The following SIGLEC14 variants were observed in gnomAD, a reference collection of about 807,000 sequenced individuals.
The protein encoded by SIGLEC14 is sialic acid-binding Ig-like lectin 14.
SIGLEC14 carries 11 observed loss-of-function variants against 34.2 expected under a neutral mutation model. The observed-to-expected ratio is 0.32, with a 90% CI of 0.20 to 0.53. The LOEUF (loss-of-function observed/expected upper bound fraction) is 0.53, where lower values mean the gene tolerates loss of function less well. Among genes scored for constraint, SIGLEC14 ranks in the 20% least tolerant of loss-of-function variants. SIGLEC14 has a pLI of 0.95. For synonymous variants in SIGLEC14, 99 were observed against 179.7 expected (o/e 0.55, Z 3.59); for missense variants, 264 against 439.0 (o/e 0.60, Z 3.56).
In SIGLEC14 at chr19:51,640,258, A is replaced by G. The variant is rs918016164; in HGVS notation, c.*3097T>C. On this transcript the variant is annotated 3_prime_UTR_variant, in exon 7 of 7. Transcript: ENST00000360844. ...AAAACTACTTGGGAAATGGGATAAA[A>G]GAAAATAGATTCTGGAACGGGAGTC... 2.9e-5 allele frequency among the ~76,000 whole-genome samples: 4 copies of G among 139,620 alleles called. 1 individual carries two copies. Among genetic ancestry groups the G allele is most frequent in the African/African-American group, 1.1e-4 (4 of 36,810 alleles). 91.6% of individuals were successfully genotyped at this position (139,620 alleles called of 152,430 possible).
Position 51,643,946 on chromosome 19 carries a change from G to T in SIGLEC14, c.845C>A (p.Ala282Asp), listed in dbSNP as rs1245747741. 8 of 1,534,022 alleles carry T rather than the reference G, an allele frequency of 5.2e-6. 2 individuals are homozygous for T. Among genetic ancestry groups the T allele is most frequent in the Non-Finnish European group, 2.6e-6 (3 of 1,141,744 alleles). Residue 282 changes from alanine to aspartate, a missense_variant, in exon 5 of 7, where the codon GCC becomes GAC. Ala to Asp is a moderately radical substitution (Grantham distance 126). Around this residue, in one of 5 missense-constraint regions of SIGLEC14, gnomAD observed 149 missense variants for 184.4 expected, o/e 0.81. Coordinates refer to ENST00000360844, the MANE Select transcript of SIGLEC14 (RefSeq NM_001098612.3). ...TCCCTCCCGGAACCAGCTCAGTGAG[G>T]CAGGGGGGTTGCTGTCAACTGTGCA... ...LACTVDSNPP[A>D]SLSWFREGKA...
At chr19:51,643,483 G>GGGGGGGGGGGGGCCCCCCCCCCC in intron 6 of SIGLEC14, 54 bp downstream of exon 6, 13 of 1,297,792 alleles carry the variant, frequency 1.0e-5, no homozygotes, top group East Asian at 5.4e-5. Flanking sequence ...GGGCAGGACA[G>GGGGGGGGGGGGGCCCCCCCCCCC]CTCAGCCCCA....
In SIGLEC14 at chr19:51,643,583, C is replaced by T; in HGVS notation, c.1102G>A (p.Ala368Thr). Residue 368 changes from alanine (A) to threonine (T), a missense_variant, in exon 6 of 7, where the codon GCT becomes ACT. Around this residue, in one of 5 missense-constraint regions of SIGLEC14, gnomAD observed 149 missense variants for 184.4 expected, o/e 0.81. Transcript: ENST00000360844. Reference protein sequence around the residue: ...LTLIRGALMGAGFLLTYGLTW... With the variant: ...LTLIRGALMGTGFLLTYGLTW... The stretch of plus-strand genomic sequence containing the variant: ...AGGCCATAGGTGAGGAGGAAGCCAG[C>T]CCCCATGAGAGCCCCCCTGATCAGG... 2.0e-6 allele frequency: 3 copies of T among 1,529,342 alleles called. 1 individual carries two copies. The highest frequency in any genetic ancestry group is 2.6e-6 in the Non-Finnish European group (3 of 1,140,208). The allele number at this position is 1,529,342 out of a possible 1,614,324, so 94.7% of individuals were successfully genotyped here. A position where few individuals can be genotyped will look rare whatever the true frequency, so the allele number is the denominator to read the frequency against.
In SIGLEC14 at chr19:51,645,580, G is replaced by A; in HGVS notation, c.701-50C>T. 2.0e-6 allele frequency: 3 copies of A among 1,505,696 alleles called. 1 individual carries two copies. Among genetic ancestry groups the A allele is most frequent in the Non-Finnish European group, 2.7e-6 (3 of 1,117,086 alleles). The allele number at this position is 1,505,696 out of a possible 1,614,324, so 93.3% of individuals were successfully genotyped here. The stretch of plus-strand genomic sequence containing the variant: ...GCTTCAGAGGTGACAAGAGGGATGG[G>A]CGTGGTCCCGGGAGGGACCCAAGGA... On this transcript the variant is annotated intron_variant, in intron 3 of 6. Transcript: ENST00000360844.
In SIGLEC14 at chr19:51,643,336, T is replaced by C; in HGVS notation, c.*19A>G. 6.6e-7 allele frequency: 1 copy of C among 1,523,482 alleles called. No individual in the cohort carries two copies. The highest frequency in any genetic ancestry group is 8.8e-7 in the Non-Finnish European group (1 of 1,136,988). The allele number at this position is 1,523,482 out of a possible 1,614,324, so 94.4% of individuals were successfully genotyped here. ...GGGCTAAGTGTCCACACCTCAGTTC[T>C]GTCTTGAGCGGGAGGGGCTCAGCCA... On this transcript the variant is annotated 3_prime_UTR_variant, in exon 7 of 7. Coordinates refer to ENST00000360844, the MANE Select transcript of SIGLEC14 (RefSeq NM_001098612.3).
rs1002223027 is a variant in SIGLEC14, at chr19:51,642,220, G to A, written c.*1135C>T. Among the ~76,000 whole-genome samples the A allele has an allele frequency of 5.0e-5, 7 of 138,662 alleles. No homozygotes were observed. The highest frequency in any genetic ancestry group is 1.1e-4 in the African/African-American group (4 of 36,508). The allele number at this position is 138,662 out of a possible 152,430, so 91.0% of individuals were successfully genotyped here. The stretch of plus-strand genomic sequence containing the variant: ...AGTGGATACAGAAGGCTGACTGTAC[G>A]ATATTAAAAGCAAAAAAAACCCCAC... On this transcript the variant is annotated 3_prime_UTR_variant, in exon 7 of 7. Transcript: ENST00000360844.
Position 51,641,943 on chromosome 19 carries a change from T to A in SIGLEC14, c.*1412A>T, listed in dbSNP as rs199896595. ...ACTTGTGCCCCCTGAACTTAAAAGT[T>A]AAAAAAAATCATATCAAGCATGTGT... On this transcript the variant is annotated 3_prime_UTR_variant, in exon 7 of 7. Coordinates refer to ENST00000360844, the MANE Select transcript of SIGLEC14 (RefSeq NM_001098612.3). Among the ~76,000 whole-genome samples the A allele has an allele frequency of 5.4e-3, 733 of 136,646 alleles. 125 individuals carry two copies. The highest frequency in any genetic ancestry group is 0.02 in the African/African-American group (697 of 35,482). 89.6% of individuals were successfully genotyped at this position (136,646 alleles called of 152,430 possible).
Position 51,640,602 on chromosome 19 carries a change from TG to T in SIGLEC14, c.*2752del, listed in dbSNP as rs1197018745. On this transcript the variant is annotated 3_prime_UTR_variant, in exon 7 of 7. Transcript: ENST00000360844. ...AATACTAGTCAAAAGAAAACTGGAA[TG>T]GCTATGTTAATAGCAGACAAAGTAC... Among the ~76,000 whole-genome samples the T allele has an allele frequency of 2.1e-5, 3 of 139,698 alleles. 1 individual carries two copies. The highest frequency in any genetic ancestry group is 4.6e-5 in the Non-Finnish European group (3 of 65,136). The allele number at this position is 139,698 out of a possible 152,430, so 91.6% of individuals were successfully genotyped here. A position where few individuals can be genotyped will look rare whatever the true frequency, so the allele number is the denominator to read the frequency against.
Position 51,644,011 on chromosome 19 carries a change from C to T in SIGLEC14, c.780G>A (p.Met260Ile), listed in dbSNP as rs1289365205. The T allele has an allele frequency of 2.6e-6, 4 of 1,522,974 alleles. 1 individual carries two copies. The African/African-American group carries it at 4.4e-5, about 17-fold the overall frequency. 94.3% of individuals were successfully genotyped at this position (1,522,974 alleles called of 1,614,324 possible). Residue 260 changes from methionine (M) to isoleucine (I), a missense_variant, in exon 5 of 7, where the codon ATG becomes ATA. Physicochemically the swap from Met to Ile is conservative, Grantham distance 10. Transcript: ENST00000360844. ...ACTGGCCCTCCTGGATGGGCACCGA[C>T]ATGCCATTGCTCAGGATCCGCAGGG... ...GTALRILSNG[M>I]SVPIQEGQSL...
Position 51,642,140 on chromosome 19 carries a change from A to G in SIGLEC14, c.*1215T>C, listed in dbSNP as rs993788087. Among the ~76,000 whole-genome samples, 2 of 139,264 alleles carry G rather than the reference A, an allele frequency of 1.4e-5. No homozygotes were observed. Among genetic ancestry groups the G allele is most frequent in the Admixed American group, 6.9e-5 (1 of 14,436 alleles). The allele number at this position is 139,264 out of a possible 152,430, so 91.4% of individuals were successfully genotyped here. A position where few individuals can be genotyped will look rare whatever the true frequency, so the allele number is the denominator to read the frequency against. On this transcript the variant is annotated 3_prime_UTR_variant, in exon 7 of 7. Transcript: ENST00000360844. The stretch of plus-strand genomic sequence containing the variant: ...TATTTTGAACTAATATAAAAATACA[A>G]CATAACAAAACTTTTGTGGTGCAGC...
At position 51,646,434 on chromosome 19, in the gene SIGLEC14, C is replaced by G; in HGVS notation, c.244G>C (p.Val82Leu). ...VVATNNPDRRVKPETQGRFRL... is the reference protein window; with the variant it reads ...VVATNNPDRRLKPETQGRFRL... The stretch of plus-strand genomic sequence containing the variant: ...AATCGGCCCTGGGTCTCTGGCTTCA[C>G]TCTTCTGTCTGGGTTGTTTGTGGCC... Residue 82 changes from valine to leucine, a missense_variant, in exon 2 of 7, where the codon GTG (valine) becomes CTG (leucine). Val to Leu is a conservative substitution (Grantham distance 32, BLOSUM62 1). Transcript: ENST00000360844. The G allele has an allele frequency of 1.1e-6, 1 of 914,546 alleles. No individual in the cohort carries two copies. The highest frequency in any genetic ancestry group is 1.5e-6 in the Non-Finnish European group (1 of 656,262). 56.7% of individuals were successfully genotyped at this position (914,546 alleles called of 1,614,324 possible).
rs1195089993 is a variant in SIGLEC14 at position 51,641,145 on chromosome 19, AAT to A, written c.*2208_*2209del. Among the ~76,000 whole-genome samples, 2 of 138,808 alleles carry A rather than the reference AAT, an allele frequency of 1.4e-5. 1 individual carries two copies. Among genetic ancestry groups the A allele is most frequent in the African/African-American group, 5.5e-5 (2 of 36,524 alleles). 91.1% of individuals were successfully genotyped at this position (138,808 alleles called of 152,430 possible). ...GAGACTTCAACATTCCTCTCTCAGT[AAT>A]AGACTGAGCTGGTAGACAAAAAAGT... On this transcript the variant is annotated 3_prime_UTR_variant, in exon 7 of 7. Transcript: ENST00000360844.
In SIGLEC14 at chr19:51,640,950, G is replaced by C. The variant is rs1240954977; in HGVS notation, c.*2405C>G. On this transcript the variant is annotated 3_prime_UTR_variant, in exon 7 of 7. Transcript: ENST00000360844. Reference sequence around the variant, plus strand: ...AGATCGCGCCATTGCACTCCAGCCTGGGCAAAAAGAGCGAAACTCTGTCTC... The same window carrying C: ...AGATCGCGCCATTGCACTCCAGCCTCGGCAAAAAGAGCGAAACTCTGTCTC... 7.2e-6 allele frequency among the ~76,000 whole-genome samples: 1 copy of C among 139,018 alleles called. No homozygotes were observed. Among genetic ancestry groups the C allele is most frequent in the African/African-American group, 2.7e-5 (1 of 36,572 alleles). The allele number at this position is 139,018 out of a possible 152,430, so 91.2% of individuals were successfully genotyped here. A position where few individuals can be genotyped will look rare whatever the true frequency, so the allele number is the denominator to read the frequency against.
In SIGLEC14 at chr19:51,643,838, G is replaced by A. The variant is rs1350475880; in HGVS notation, c.953C>T (p.Thr318Ile). ...NIGAREGGEF[T>I]CRVQHPLGSQ... is the part of the protein sequence containing the mutation. ...GCCCAGCGGATGCTGAACCCGGCAGGTGAATTCCCCTCCCTCTCTAGCTCC... is the reference window on the plus strand; with the variant it reads ...GCCCAGCGGATGCTGAACCCGGCAGATGAATTCCCCTCCCTCTCTAGCTCC... The change falls in exon 5 of 7, where the codon ACC becomes ATC. Residue 318 changes from threonine (T) to isoleucine (I), a missense_variant. Thr to Ile is a moderately conservative substitution (Grantham distance 89). Coordinates refer to ENST00000360844, the MANE Select transcript of SIGLEC14 (RefSeq NM_001098612.3). 3.9e-6 allele frequency: 6 copies of A among 1,531,854 alleles called. 1 individual carries two copies. Among genetic ancestry groups the A allele is most frequent in the South Asian group, 1.2e-5 (1 of 83,142 alleles). The allele number at this position is 1,531,854 out of a possible 1,614,324, so 94.9% of individuals were successfully genotyped here.
In SIGLEC14 at chr19:51,643,595, C is replaced by G. The variant is rs201707712; in HGVS notation, c.1090G>C (p.Ala364Pro). 349 of 1,529,498 alleles carry G rather than the reference C, an allele frequency of 2.3e-4. 50 individuals are homozygous for G. Among genetic ancestry groups the G allele is most frequent in the Non-Finnish European group, 2.9e-5 (33 of 1,140,210 alleles). 94.7% of individuals were successfully genotyped at this position (1,529,498 alleles called of 1,614,324 possible). A position where few individuals can be genotyped will look rare whatever the true frequency, so the allele number is the denominator to read the frequency against. Reference sequence around the variant, plus strand: ...AGGAGGAAGCCAGCCCCCATGAGAGCCCCCCTGATCAGGGTGAGGACGAGG... The same window carrying G: ...AGGAGGAAGCCAGCCCCCATGAGAGGCCCCCTGATCAGGGTGAGGACGAGG... ...WPLVLTLIRGALMGAGFLLTY... is the reference protein window; with the variant it reads ...WPLVLTLIRGPLMGAGFLLTY... The change falls in exon 6 of 7, where the codon GCT (alanine) becomes CCT (proline). Residue 364 changes from alanine to proline, a missense_variant. Physicochemically the swap from Ala to Pro is conservative, Grantham distance 27. Coordinates refer to ENST00000360844, the MANE Select transcript of SIGLEC14 (RefSeq NM_001098612.3).
chr19:51,643,609 G>A lies in SIGLEC14; in HGVS notation c.1076C>T (p.Thr359Ile), dbSNP rs755676652. Residue 359 changes from threonine (T) to isoleucine (I), a missense_variant, in exon 6 of 7, where the codon ACC becomes ATC. This residue lies in a region of SIGLEC14 where 149 missense variants were observed against 184.4 expected (regional missense o/e 0.81). Transcript: ENST00000360844. ...CCCCATGAGAGCCCCCCTGATCAGG[G>A]TGAGGACGAGGGGCCAGGAGCCCTG... ...KQQGSWPLVL[T>I]LIRGALMGAG... is the part of the protein sequence containing the mutation. 3.9e-6 allele frequency: 6 copies of A among 1,530,740 alleles called. 1 individual carries two copies. In the South Asian group the frequency reaches 6.0e-5, roughly 15 times the overall value. The allele number at this position is 1,530,740 out of a possible 1,614,324, so 94.8% of individuals were successfully genotyped here.
At position 51,643,249 on chromosome 19, in the gene SIGLEC14, T is replaced by C. The variant is rs1983947795; in HGVS notation, c.*106A>G. On this transcript the variant is annotated 3_prime_UTR_variant, in exon 7 of 7. Transcript: ENST00000360844. Reference sequence around the variant, plus strand: ...TATGGGGCAGGAAGGAAAAGAGGGGTAGTCAGTGGGATGTGAGCTTCCAGA... The same window carrying C: ...TATGGGGCAGGAAGGAAAAGAGGGGCAGTCAGTGGGATGTGAGCTTCCAGA... The C allele has an allele frequency of 9.3e-7, 1 of 1,079,986 alleles. No homozygotes were observed. Among genetic ancestry groups the C allele is most frequent in the Non-Finnish European group, 1.3e-6 (1 of 752,214 alleles). The allele number at this position is 1,079,986 out of a possible 1,614,324, so 66.9% of individuals were successfully genotyped here. A position where few individuals can be genotyped will look rare whatever the true frequency, so the allele number is the denominator to read the frequency against.
intron 6 of SIGLEC14, 58 bp downstream of exon 6, chr19:51,643,479 G>GCCCCCC: frequency 2.3e-6 from 3 of 1,296,390 alleles, no homozygotes; most frequent in Non-Finnish European, 3.0e-6. Context: ...CCTGGGGCAG[G>GCCCCCC]ACAGCTCAGC....
rs189084353 is a variant in SIGLEC14 at position 51,640,620 on chromosome 19, A to G, written c.*2735T>C. 1.6e-4 allele frequency among the ~76,000 whole-genome samples: 22 copies of G among 140,142 alleles called. 9 individuals are homozygous for G. In the East Asian group the frequency reaches 5.9e-3, roughly 38 times the overall value. 91.9% of individuals were successfully genotyped at this position (140,142 alleles called of 152,430 possible). On this transcript the variant is annotated 3_prime_UTR_variant, in exon 7 of 7. Coordinates refer to ENST00000360844, the MANE Select transcript of SIGLEC14 (RefSeq NM_001098612.3). ...ACTGGAATGGCTATGTTAATAGCAG[A>G]CAAAGTACACTTAAGAGCAAAGAAA...
Sources: gnomAD v4.1 joint callset for allele counts (sites outside exome capture counted in the v4.1 genomes callset) on GRCh38, gnomAD v4.1.1 for gene constraint, gnomAD v4.1.1 regional missense constraint, MANE v1.5 for transcripts, NCBI Gene and HGNC (gene_info 2026-07-23, HGNC 2026-07-21) for gene names.